The following PHACTR4 variants were observed in gnomAD, a reference collection of about 807,000 sequenced individuals.
PHACTR4 encodes protein phosphatase 1, regulatory subunit 124.
PHACTR4 carries 51 observed loss-of-function variants against 72.7 expected under a neutral mutation model. The ratio of observed to expected loss-of-function variants is 0.70; its 90% CI spans 0.56 to 0.89. The LOEUF is 0.89. PHACTR4 is among the 40% of genes least tolerant of loss of function. The pLI is 0.00. For missense variants in PHACTR4, 731 were observed against 861.8 expected (o/e 0.85, Z 1.90); for synonymous variants, 255 against 302.5 (o/e 0.84, Z 1.63).
intron 1 of PHACTR4, among the ~76,000 whole-genome samples, chr1:28,386,819 C>T (rs1652591622): frequency 6.6e-6 from 1 of 151,902 alleles, no homozygotes; most frequent in Non-Finnish European, 1.5e-5. Context: ...ATAGGACCAA[C>T]GATATTTAAA....
intron 2 of PHACTR4, among the ~76,000 whole-genome samples, chr1:28,410,199 C>T (rs754727900): frequency 6.6e-6 from 1 of 152,104 alleles, no homozygotes; most frequent in Non-Finnish European, 1.5e-5. Context: ...AGCTCCTGAC[C>T]TCATGATCTG....
intron 1 of PHACTR4, among the ~76,000 whole-genome samples, chr1:28,384,988 TC>T (rs905437692): frequency 1.3e-5 from 2 of 152,202 alleles, no homozygotes; most frequent in Non-Finnish European, 2.9e-5. Flanking sequence ...TGTCTCAATC[TC>T]CTTCAGTTCA....
At chr1:28,393,459 C>G (rs1303403688) in intron 1 of PHACTR4, among the ~76,000 whole-genome samples, 1 of 152,126 alleles carries the variant, frequency 6.6e-6, no homozygotes, top group Admixed American at 6.6e-5. Context: ...TAAAATGGAG[C>G]TGAAAAATTC....
chr1:28,485,192 T>C (rs1660554010), intron 9 of PHACTR4, among the ~76,000 whole-genome samples: 1 of 152,090 alleles, frequency 6.6e-6, no homozygotes, highest in African/African-American at 2.4e-5. Context: ...GGGCTCGGGA[T>C]TGAAGGCAGG....
chr1:28,414,384 TA>T (rs1163630735), intron 2 of PHACTR4, among the ~76,000 whole-genome samples: 2 of 150,640 alleles, frequency 1.3e-5, no homozygotes, highest in African/African-American at 2.4e-5. Flanking sequence ...TTTTTCATTT[TA>T]TTTTTTTATT....
intron 2 of PHACTR4, among the ~76,000 whole-genome samples, chr1:28,452,246 C>G (rs892808172): frequency 7.2e-5 from 11 of 152,112 alleles, no homozygotes; most frequent in African/African-American, 2.7e-4. Flanking sequence ...TGGCTTTTGC[C>G]TGTAATCCCA....
At position 28,475,729 on chromosome 1, in the gene PHACTR4, C is replaced by CTTTTTTTTTTTTT. The variant is rs71672836; in HGVS notation, c.1422-376_1422-364dup. 1.4e-3 allele frequency among the ~76,000 whole-genome samples: 185 copies of CTTTTTTTTTTTTT among 135,234 alleles called. 7 individuals are homozygous for CTTTTTTTTTTTTT. The highest frequency in any genetic ancestry group is 4.3e-3 in the African/African-American group (146 of 33,938). The allele number at this position is 135,234 out of a possible 152,430, so 88.7% of individuals were successfully genotyped here. A position where few individuals can be genotyped will look rare whatever the true frequency, so the allele number is the denominator to read the frequency against. The stretch of plus-strand genomic sequence containing the variant: ...ATTTATGGTTATTTCAGTCCTTTGT[C>CTTTTTTTTTTTTT]TTTTTTTTTTTTTTGAGATAGAATC... On this transcript the variant is annotated intron_variant, in intron 7 of 13. Transcript: ENST00000373839.
At chr1:28,417,698 A>G (rs772512932) in intron 2 of PHACTR4, among the ~76,000 whole-genome samples, 13 of 152,228 alleles carry the variant, frequency 8.5e-5, no homozygotes, top group Non-Finnish European at 1.8e-4. Context: ...ACCACAAGTA[A>G]CTGAAACTGC....
chr1:28,452,540 C>G (rs934791401), intron 2 of PHACTR4, among the ~76,000 whole-genome samples: 1 of 150,422 alleles, frequency 6.6e-6, no homozygotes, highest in Admixed American at 6.6e-5. Context: ...CACAATGGCT[C>G]ATGCCTGTAA....
chr1:28,420,201 G>A (rs1339366099), intron 2 of PHACTR4, among the ~76,000 whole-genome samples: 2 of 152,126 alleles, frequency 1.3e-5, no homozygotes, highest in African/African-American at 4.8e-5. Context: ...GTGAGCCATT[G>A]ATATGGGTAG....
chr1:28,399,537 T>G (rs1653788266), intron 1 of PHACTR4, among the ~76,000 whole-genome samples: 1 of 152,196 alleles, frequency 6.6e-6, no homozygotes, highest in South Asian at 2.1e-4. Flanking sequence ...TTCTATTAAT[T>G]TCTTGTTGGT....
At chr1:28,489,145 T>C (rs368158831) in intron 9 of PHACTR4, 25 bp from the exon 10 acceptor site, 1 of 1,601,452 alleles carries the variant, frequency 6.2e-7, no homozygotes, top group South Asian at 1.1e-5. Flanking sequence ...AACATAAACA[T>C]TACCTTTATT....
intron 2 of PHACTR4, among the ~76,000 whole-genome samples, chr1:28,455,665 C>T (rs1488945431): frequency 6.6e-6 from 1 of 152,110 alleles, no homozygotes; most frequent in East Asian, 1.9e-4. Context: ...AAAACAGATT[C>T]TGAAAGTCCT....
chr1:28,398,382 T>C (rs1569824026), intron 1 of PHACTR4, among the ~76,000 whole-genome samples: 1 of 151,670 alleles, frequency 6.6e-6, no homozygotes, highest in African/African-American at 2.4e-5. Context: ...TAGCCAGGCA[T>C]AGTGGCATGT....
chr1:28,496,386 G>C (rs1661364243), intron 13 of PHACTR4, 148 bp from the exon 14 acceptor site: 2 of 812,610 alleles, frequency 2.5e-6, no homozygotes, highest in Non-Finnish European at 4.1e-6. Flanking sequence ...AGCAGATGAG[G>C]AGTATCAGAT....
chr1:28,460,962 C>T (rs1196170969), intron 4 of PHACTR4, among the ~76,000 whole-genome samples: 1 of 152,042 alleles, frequency 6.6e-6, no homozygotes. Flanking sequence ...TTTTTGAACA[C>T]ATTTGTCCCC....
At chr1:28,396,845 C>CTTTTTTTT (rs60578939) in intron 1 of PHACTR4, among the ~76,000 whole-genome samples, 178 of 119,612 alleles carry the variant, frequency 1.5e-3, no homozygotes, top group South Asian at 2.2e-3. Context: ...TTCTTTCTTT[C>CTTTTTTTT]TTTTTTTTTT....
At chr1:28,461,406 A>G (rs1268758916) in intron 4 of PHACTR4, among the ~76,000 whole-genome samples, 1 of 152,090 alleles carries the variant, frequency 6.6e-6, no homozygotes, top group Admixed American at 6.6e-5. Flanking sequence ...GCGCCACTGC[A>G]CTCCAGCCTG....
rs117376124 is a variant in PHACTR4 at position 28,433,146 on chromosome 1, A to G, written c.16+25683A>G. On this transcript the variant is annotated intron_variant, in intron 2 of 13. Coordinates refer to ENST00000373839, the MANE Select transcript of PHACTR4 (RefSeq NM_001048183.3). The stretch of plus-strand genomic sequence containing the variant: ...TAAGCTGGGGAGAATAAGTACTCTA[A>G]AAAGGGAGTATCTTATTAGCTAACA... The G allele has an allele frequency of 1.6e-4, 148 of 925,322 alleles. 1 individual carries two copies. In the East Asian group the frequency reaches 0.014, roughly 88 times the overall value. The allele number at this position is 925,322 out of a possible 1,614,324, so 57.3% of individuals were successfully genotyped here.
Sources: allele counts gnomAD v4.1 joint callset (sites outside exome capture counted in the v4.1 genomes callset), GRCh38; gene constraint gnomAD v4.1.1; transcripts MANE v1.5; gene names NCBI Gene and HGNC (gene_info 2026-07-23, HGNC 2026-07-21).